The following CTNNA3 variants were observed in gnomAD, a reference collection of about 807,000 sequenced individuals.
CTNNA3 encodes the protein catenin alpha 3, also known as catenin alpha-3.
In CTNNA3, 76 loss-of-function variants were observed where a neutral mutation model predicts 95.7. The observed-to-expected ratio is 0.79, with a 90% confidence interval of 0.66 to 0.96. The LOEUF (loss-of-function observed/expected upper bound fraction) is 0.96. Among genes scored for constraint, CTNNA3 ranks in the 40% least tolerant of loss-of-function variants. The pLI is 0.00. For missense variants in CTNNA3, 1,191 were observed against 1,089.8 expected (o/e 1.09, Z -1.31); for synonymous variants, 431 against 374.4 (o/e 1.15, Z -1.74).
chr10:66,378,238 C>T (rs1454178295), intron 12 of CTNNA3, among the ~76,000 whole-genome samples: 3 of 152,150 alleles, frequency 2.0e-5, no homozygotes, highest in Non-Finnish European at 2.9e-5. Flanking sequence ...GTCCCTTCTA[C>T]TCTTTTGGCT....
At chr10:66,099,071 C>T (rs1001437132) in intron 14 of CTNNA3, among the ~76,000 whole-genome samples, 9 of 152,166 alleles carry the variant, frequency 5.9e-5, no homozygotes, top group Admixed American at 2.0e-4. Context: ...AAATAACTGT[C>T]ACTCCATTAC....
At chr10:67,541,850 C>A (rs551558436) in intron 3 of CTNNA3, among the ~76,000 whole-genome samples, 2 of 152,002 alleles carry the variant, frequency 1.3e-5, no homozygotes, top group African/African-American at 4.8e-5. Flanking sequence ...TGAATGCCCA[C>A]AAAAAAGATT....
At chr10:67,454,577 C>T (rs1388067862) in intron 5 of CTNNA3, among the ~76,000 whole-genome samples, 1 of 152,102 alleles carries the variant, frequency 6.6e-6, no homozygotes, top group East Asian at 1.9e-4. Context: ...GGCCTCGCAT[C>T]AAAAGTTCTA....
rs142125175 is a variant in CTNNA3 at position 67,430,369 on chromosome 10, T to C, written c.579+91473A>G. ...TCACTTCAACTCCCCTAGTGTCCAT[T>C]TTCACATATGTTAATGGTGGAGGTT... On this transcript the variant is annotated intron_variant, in intron 5 of 17. Coordinates refer to ENST00000433211, the MANE Select transcript of CTNNA3 (RefSeq NM_013266.4). 3.2e-4 allele frequency among the ~76,000 whole-genome samples: 48 copies of C among 152,060 alleles called. 1 individual carries two copies. The East Asian group carries it at 8.9e-3, about 28-fold the overall frequency.
chr10:67,138,124 A>C (rs937110719), intron 7 of CTNNA3, among the ~76,000 whole-genome samples: 1 of 152,054 alleles, frequency 6.6e-6, no homozygotes, highest in African/African-American at 2.4e-5. Context: ...CTCCAAGAAG[A>C]AACATTAGAT....
chr10:67,462,246 A>T (rs879572141), intron 5 of CTNNA3, among the ~76,000 whole-genome samples: 6 of 152,156 alleles, frequency 3.9e-5, no homozygotes, highest in Non-Finnish European at 4.4e-5. Context: ...GAACTCATTG[A>T]CAGATGCCTT....
At chr10:67,058,559 T>A (rs1261224636) in intron 7 of CTNNA3, among the ~76,000 whole-genome samples, 1 of 152,108 alleles carries the variant, frequency 6.6e-6, no homozygotes, top group Admixed American at 6.6e-5. Context: ...ATGAACTATA[T>A]CCCTCCTCAC....
intron 3 of CTNNA3, among the ~76,000 whole-genome samples, chr10:67,551,323 G>A (rs772746153): frequency 6.4e-4 from 98 of 152,240 alleles, no homozygotes; most frequent in Non-Finnish European, 1.2e-3. Flanking sequence ...CCGGTGGAAC[G>A]ACGTGGAGTT....
intron 5 of CTNNA3, among the ~76,000 whole-genome samples, chr10:67,396,695 TATGG>T (rs1379535532): frequency 1.3e-5 from 2 of 152,226 alleles, no homozygotes; most frequent in African/African-American, 4.8e-5. Context: ...TATTATTTGA[TATGG>T]TTTGGCTCTG....
chr10:67,723,910 G>A (rs897200770), intron 1 of CTNNA3, among the ~76,000 whole-genome samples: 16 of 152,142 alleles, frequency 1.1e-4, no homozygotes, highest in Non-Finnish European at 2.9e-5. Flanking sequence ...ATCCATCGAA[G>A]TTCAGAGGAG....
intron 11 of CTNNA3, among the ~76,000 whole-genome samples, chr10:66,432,652 C>A (rs1225841543): frequency 7.0e-6 from 1 of 142,176 alleles, no homozygotes. Flanking sequence ...CAGAGCGAGA[C>A]CATCTCACAG....
intron 13 of CTNNA3, among the ~76,000 whole-genome samples, chr10:66,247,843 A>G (rs900020729): frequency 2.6e-5 from 4 of 152,218 alleles, no homozygotes; most frequent in Non-Finnish European, 4.4e-5. Flanking sequence ...AAGAAATTCT[A>G]CAGGGAGTTC....
rs188952097 is a variant in CTNNA3, at chr10:66,517,798, C to T, written c.1531+2819G>A. Among the ~76,000 whole-genome samples, 175 of 152,184 alleles carry T rather than the reference C, an allele frequency of 1.1e-3. 1 individual carries two copies. Among genetic ancestry groups the T allele is most frequent in the African/African-American group, 4.0e-3 (167 of 41,504 alleles). On this transcript the variant is annotated intron_variant, in intron 11 of 17. Transcript: ENST00000433211. ...CTCTCTTGGGGTCTAGAATGGGACC[C>T]CTTTCCTGTAACAGAAATATTACCA...
At chr10:66,351,800 G>T (rs1447712631) in intron 12 of CTNNA3, among the ~76,000 whole-genome samples, 2 of 151,884 alleles carry the variant, frequency 1.3e-5, no homozygotes, top group East Asian at 3.9e-4. Context: ...TAATATTAAA[G>T]ATCTCTCATA....
chr10:67,101,466 A>C (rs1225432262), intron 7 of CTNNA3, among the ~76,000 whole-genome samples: 2 of 151,816 alleles, frequency 1.3e-5, no homozygotes, highest in Non-Finnish European at 2.9e-5. Context: ...TCTTATAAGA[A>C]AAATAAAATA....
At chr10:67,052,313 ACTCTCTCTCTCTCT>A (rs3841706) in intron 7 of CTNNA3, among the ~76,000 whole-genome samples, 7 of 121,070 alleles carry the variant, frequency 5.8e-5, no homozygotes, top group Admixed American at 3.2e-4. Context: ...CCCACTCATC[ACTCTCTCTCTCTCT>A]CTCTCTCTCT....
intron 10 of CTNNA3, among the ~76,000 whole-genome samples, chr10:66,589,522 T>C (rs1843475274): frequency 6.6e-6 from 1 of 152,080 alleles, no homozygotes; most frequent in Admixed American, 6.6e-5. Flanking sequence ...CTACATATCA[T>C]TGTGCATCAA....
chr10:67,512,955 G>A (rs1839687504), intron 5 of CTNNA3, among the ~76,000 whole-genome samples: 1 of 152,142 alleles, frequency 6.6e-6, no homozygotes, highest in African/African-American at 2.4e-5. Context: ...ACTGACTCCA[G>A]CCTGGCAACA....
chr10:67,319,041 C>T (rs749750427), intron 5 of CTNNA3, among the ~76,000 whole-genome samples: 1 of 152,202 alleles, frequency 6.6e-6, no homozygotes, highest in Non-Finnish European at 1.5e-5. Context: ...TGCTGACCAT[C>T]TGCTTTCCTT....
Sources: allele counts gnomAD v4.1 joint callset (sites outside exome capture counted in the v4.1 genomes callset), GRCh38; gene constraint gnomAD v4.1.1; transcripts MANE v1.5; gene names NCBI Gene and HGNC (gene_info 2026-07-23, HGNC 2026-07-21).